The following DPP6 variants were observed in gnomAD, a reference collection of about 807,000 sequenced individuals.
The protein encoded by DPP6 is dipeptidyl peptidase like 6.
In DPP6, 69 loss-of-function variants were observed where a neutral mutation model predicts 122.6. That is an observed-to-expected ratio of 0.56 (90% CI 0.46 to 0.69). DPP6 has a LOEUF of 0.69. Among genes scored for constraint, DPP6 ranks in the 30% least tolerant of loss-of-function variants. The probability of loss-of-function intolerance (pLI) is 0.00; values close to 1 mark genes in which losing one functional copy is unlikely to be tolerated. For synonymous variants in DPP6, 418 were observed against 433.1 expected (o/e 0.97, Z 0.43); for missense variants, 928 against 1,116.9 (o/e 0.83, Z 2.41).
chr7:154,024,494 A>G (rs1409030479), intron 1 of DPP6, among the ~76,000 whole-genome samples: 4 of 152,092 alleles, frequency 2.6e-5, no homozygotes, highest in Non-Finnish European at 5.9e-5. Context: ...AATGTAGGAA[A>G]ACCAAGCTAA....
chr7:154,704,490 G>A (rs1840712728), intron 7 of DPP6, among the ~76,000 whole-genome samples: 1 of 152,176 alleles, frequency 6.6e-6, no homozygotes, highest in Admixed American at 6.5e-5. Flanking sequence ...AGGATTGGGT[G>A]CTACAGGAAA....
chr7:154,609,337 T>G (rs1833767037), intron 5 of DPP6, among the ~76,000 whole-genome samples: 1 of 152,252 alleles, frequency 6.6e-6, no homozygotes, highest in Admixed American at 6.5e-5. Context: ...TGAGACTTTC[T>G]TACACATTTT....
chr7:154,117,565 T>C (rs1300449540), intron 1 of DPP6, among the ~76,000 whole-genome samples: 2 of 152,180 alleles, frequency 1.3e-5, no homozygotes, highest in African/African-American at 4.8e-5. Flanking sequence ...TATCTTCTCT[T>C]GCAGAGCTTT....
At chr7:153,804,976 A>G in the DPP6 span, among the ~76,000 whole-genome samples, 1 of 151,904 alleles carries the variant, frequency 6.6e-6, no homozygotes, top group African/African-American at 2.4e-5. Context: ...AATGATCTTG[A>G]CTCTATTGGT....
intron 16 of DPP6, among the ~76,000 whole-genome samples, chr7:154,808,719 C>T (rs73500292): frequency 0.081 from 12,274 of 152,088 alleles, 534 homozygotes; most frequent in South Asian, 0.15. Flanking sequence ...CAGGGATTGA[C>T]GGGGCATAGG....
intron 1 of DPP6, among the ~76,000 whole-genome samples, chr7:154,369,336 G>C (rs1208383946): frequency 6.6e-6 from 1 of 151,918 alleles, no homozygotes; most frequent in African/African-American, 2.4e-5. Context: ...TACTTCTGTT[G>C]CTGAAGTTTG....
chr7:154,894,204 G>A lies in DPP6; in HGVS notation c.*1724G>A, dbSNP rs1370239612. 6.6e-6 allele frequency: 1 copy of A among 152,242 alleles called. No individual in the cohort carries two copies. The highest frequency in any genetic ancestry group is 2.4e-5 in the African/African-American group (1 of 41,426). 9.4% of individuals were successfully genotyped at this position (152,242 alleles called of 1,614,324 possible). On this transcript the variant is annotated 3_prime_UTR_variant, in exon 26 of 26. Coordinates refer to ENST00000377770, the MANE Select transcript of DPP6 (RefSeq NM_130797.4). ...AGGTCTGGAAGGGGAAGCCAGCTCT[G>A]GCCACGACATCTGGTCGGAGGGAAG...
intron 6 of DPP6, among the ~76,000 whole-genome samples, chr7:154,667,206 T>A (rs1240065900): frequency 1.3e-5 from 2 of 152,194 alleles, no homozygotes; most frequent in African/African-American, 4.8e-5. Flanking sequence ...TTCAAAGTAT[T>A]TTGTATGTTA....
chr7:154,246,601 A>C (rs1802000560), intron 1 of DPP6, among the ~76,000 whole-genome samples: 1 of 152,236 alleles, frequency 6.6e-6, no homozygotes, highest in Non-Finnish European at 1.5e-5. Flanking sequence ...AAAAAAGAAC[A>C]AATTTCAATA....
intron 16 of DPP6, among the ~76,000 whole-genome samples, chr7:154,852,474 G>GC (rs1802481941): frequency 7.2e-6 from 1 of 139,088 alleles, no homozygotes; most frequent in South Asian, 2.3e-4. Context: ...GGCTCTCCTG[G>GC]CTCTCCTGCC....
chr7:154,413,093 A>T lies in DPP6; in HGVS notation c.244-33121A>T, dbSNP rs187454806. On this transcript the variant is annotated intron_variant, in intron 1 of 25. Coordinates refer to ENST00000377770, the MANE Select transcript of DPP6 (RefSeq NM_130797.4). Reference sequence around the variant, plus strand: ...AACCTGCACTTCTTGAGATTCCCCCACTGACCTCCAGGCTTAGGAAAGTGA... The same window carrying T: ...AACCTGCACTTCTTGAGATTCCCCCTCTGACCTCCAGGCTTAGGAAAGTGA... Among the ~76,000 whole-genome samples the T allele has an allele frequency of 2.0e-4, 30 of 152,280 alleles. No individual in the cohort carries two copies. In the East Asian group the frequency reaches 5.8e-3, roughly 29 times the overall value.
chr7:154,416,535 A>T (rs1346027515), intron 1 of DPP6, among the ~76,000 whole-genome samples: 1 of 152,056 alleles, frequency 6.6e-6, no homozygotes, highest in Non-Finnish European at 1.5e-5. Context: ...TTCTAAAAAT[A>T]AAATCTCTTA....
At chr7:154,717,876 A>T (rs1743172958) in intron 7 of DPP6, among the ~76,000 whole-genome samples, 1 of 152,196 alleles carries the variant, frequency 6.6e-6, no homozygotes, top group Non-Finnish European at 1.5e-5. Flanking sequence ...AACAGTGTAT[A>T]AAAGGCCCCC....
chr7:153,866,767 G>T, the DPP6 span, among the ~76,000 whole-genome samples: 3 of 152,134 alleles, frequency 2.0e-5, no homozygotes, highest in Non-Finnish European at 4.4e-5. Context: ...TCCTTCTAGG[G>T]TTTTTATGGT....
chr7:153,763,251 T>C, the DPP6 span, among the ~76,000 whole-genome samples: 6 of 152,288 alleles, frequency 3.9e-5, no homozygotes, highest in Non-Finnish European at 7.3e-5. Context: ...AAACCATTAA[T>C]TCCTAGTGGG....
rs145348776 is a variant in DPP6 at position 154,441,256 on chromosome 7, C to G, written c.244-4958C>G. ...AAGTGGAATGTGACCACTCTAGCCCCTTCCCTTTCTTTATAAAGAGTAGGA... is the reference window on the plus strand; with the variant it reads ...AAGTGGAATGTGACCACTCTAGCCCGTTCCCTTTCTTTATAAAGAGTAGGA... On this transcript the variant is annotated intron_variant, in intron 1 of 25. Transcript: ENST00000377770. Among the ~76,000 whole-genome samples, 24 of 152,294 alleles carry G rather than the reference C, an allele frequency of 1.6e-4. No individual in the cohort carries two copies. The East Asian group carries it at 4.6e-3, about 29-fold the overall frequency.
chr7:154,872,511 TC>T, intron 18 of DPP6, 112 bp from the exon 19 acceptor site: 1 of 1,452,758 alleles, frequency 6.9e-7, no homozygotes, highest in Non-Finnish European at 9.2e-7. Context: ...TCTGTGGGCT[TC>T]CCCTCAGGCC....
intron 1 of DPP6, among the ~76,000 whole-genome samples, chr7:154,277,126 A>G (rs529321436): frequency 1.8e-4 from 27 of 152,282 alleles, no homozygotes; most frequent in African/African-American, 6.0e-4. Flanking sequence ...TCATGTTCAG[A>G]CCCAGCTAGG....
intron 1 of DPP6, among the ~76,000 whole-genome samples, chr7:154,319,052 G>A (rs567553459): frequency 6.6e-6 from 1 of 152,320 alleles, no homozygotes; most frequent in Admixed American, 6.5e-5. Flanking sequence ...AGCAGCAGGA[G>A]GTGTCTGCCA....
Sources: gnomAD v4.1 joint callset for allele counts (sites outside exome capture counted in the v4.1 genomes callset) on GRCh38, gnomAD v4.1.1 for gene constraint, MANE v1.5 for transcripts, NCBI Gene and HGNC (gene_info 2026-07-23, HGNC 2026-07-21) for gene names.